Variants in NBN observed in about 807,000 individuals in gnomAD.
NBN encodes Nijmegen breakage syndrome 1 (nibrin).
In NBN, 88 loss-of-function variants were observed where a neutral mutation model predicts 90.8. The observed-to-expected ratio is 0.97, with a 90% CI of 0.82 to 1.16. The LOEUF is 1.16. Ranked by LOEUF, NBN falls within the 50% of genes most tolerant of loss-of-function variation. NBN has a pLI of 0.00. For synonymous variants in NBN, 328 were observed against 295.1 expected (o/e 1.11, Z -1.14); for missense variants, 894 against 869.6 (o/e 1.03, Z -0.35).
intron 9 of NBN, among the ~76,000 whole-genome samples, chr8:89,958,433 C>T (rs1287292093): frequency 6.6e-6 from 1 of 152,216 alleles, no homozygotes; most frequent in Non-Finnish European, 1.5e-5. Flanking sequence ...TAAGAGACTA[C>T]GTATTGTCTC....
In NBN at chr8:89,947,904, A is replaced by T; in HGVS notation, c.1846-12T>A. 6.7e-7 allele frequency: 1 copy of T among 1,487,108 alleles called. No individual in the cohort carries two copies. The highest frequency in any genetic ancestry group is 1.4e-5 in the African/African-American group (1 of 71,674). The allele number at this position is 1,487,108 out of a possible 1,614,324, so 92.1% of individuals were successfully genotyped here. A position where few individuals can be genotyped will look rare whatever the true frequency, so the allele number is the denominator to read the frequency against. On this transcript the variant is annotated splice_polypyrimidine_tract_variant and intron_variant, in intron 11 of 15. Coordinates refer to ENST00000265433, the MANE Select transcript of NBN (RefSeq NM_002485.5). ...ATTTCATTTTCTTGCTAAAGAAATA[A>T]AATAAAAAATACTGTTCATAGGAGT...
At chr8:89,961,295 G>A (rs182767210) in intron 8 of NBN, among the ~76,000 whole-genome samples, 264 of 152,266 alleles carry the variant, frequency 1.7e-3, no homozygotes, top group African/African-American at 3.1e-3. Context: ...GTTCAATTAC[G>A]CAAAATATTT....
chr8:89,960,760 AT>A (rs1406842861), intron 8 of NBN, among the ~76,000 whole-genome samples: 1 of 152,226 alleles, frequency 6.6e-6, no homozygotes, highest in African/African-American at 2.4e-5. Flanking sequence ...ACTTGGTCTC[AT>A]CTATTCACCT....
intron 5 of NBN, among the ~76,000 whole-genome samples, chr8:89,977,527 A>T (rs1283002624): frequency 6.6e-6 from 1 of 152,312 alleles, no homozygotes; most frequent in South Asian, 2.1e-4. Flanking sequence ...TAGTGCTGCA[A>T]TAAACATATG....
At chr8:89,945,969 T>C (rs1209498401) in intron 13 of NBN, among the ~76,000 whole-genome samples, 171 bp downstream of exon 13, 1 of 152,164 alleles carries the variant, frequency 6.6e-6, no homozygotes, top group East Asian at 1.9e-4. Context: ...AGGTGTTCAA[T>C]ATATTCATTA....
chr8:89,974,319 T>C (rs571990272), intron 5 of NBN, among the ~76,000 whole-genome samples: 2 of 145,118 alleles, frequency 1.4e-5, no homozygotes, highest in South Asian at 4.3e-4. Flanking sequence ...AATTTGCAAA[T>C]GTGAGGTTCC....
At chr8:89,940,249 C>G (rs199572579) in intron 14 of NBN, among the ~76,000 whole-genome samples, 1 of 151,944 alleles carries the variant, frequency 6.6e-6, no homozygotes, top group Non-Finnish European at 1.5e-5. Flanking sequence ...TACCATGACC[C>G]GCTAATTTGT....
At chr8:89,959,203 C>T (rs1254167213) in intron 8 of NBN, among the ~76,000 whole-genome samples, 2 of 152,128 alleles carry the variant, frequency 1.3e-5, no homozygotes, top group African/African-American at 4.8e-5. Flanking sequence ...AGTGTATACA[C>T]CCTACCATCT....
Position 89,984,177 on chromosome 8 carries a change from G to C in NBN, c.37+348C>G, listed in dbSNP as rs1197508195. 1.2e-4 allele frequency: 52 copies of C among 434,410 alleles called. No individual in the cohort carries two copies. The East Asian group carries it at 1.4e-3, about 11-fold the overall frequency. The allele number at this position is 434,410 out of a possible 1,614,324, so 26.9% of individuals were successfully genotyped here. ...TCCGCCCATGCTAACTTCCTGCCGG[G>C]GGTTCCCACTAGGCGCCTGCTGCCG... On this transcript the variant is annotated intron_variant, in intron 1 of 15. Coordinates refer to ENST00000265433, the MANE Select transcript of NBN (RefSeq NM_002485.5).
intron 4 of NBN, among the ~76,000 whole-genome samples, chr8:89,980,013 T>C (rs551632792): frequency 4.7e-4 from 72 of 152,328 alleles, no homozygotes; most frequent in African/African-American, 1.6e-3. Context: ...GTAAATCTAC[T>C]ATTTGTAAGT....
Position 89,964,520 on chromosome 8 carries a change from A to T in NBN, c.897-13T>A. 6.3e-7 allele frequency: 1 copy of T among 1,577,592 alleles called. No homozygotes were observed. Among genetic ancestry groups the T allele is most frequent in the Non-Finnish European group, 8.7e-7 (1 of 1,147,220 alleles). ...TCTAAGACCTTGCCTATTAGAATAA[A>T]ATAGTTTAAGTATGATAATATATTA... On this transcript the variant is annotated splice_polypyrimidine_tract_variant and intron_variant, in intron 7 of 15. Transcript: ENST00000265433.
intron 5 of NBN, among the ~76,000 whole-genome samples, chr8:89,977,343 A>C (rs1227705253): frequency 6.6e-6 from 1 of 151,476 alleles, no homozygotes; most frequent in Non-Finnish European, 1.5e-5. Flanking sequence ...TTCCTGTGTT[A>C]GTTTGCTGAG....
chr8:89,933,465 T>C lies in NBN; in HGVS notation c.*2117A>G, dbSNP rs1028935107. 19 of 229,458 alleles carry C rather than the reference T, an allele frequency of 8.3e-5. No homozygotes were observed. The highest frequency in any genetic ancestry group is 1.1e-4 in the Admixed American group (2 of 17,644). 14.2% of individuals were successfully genotyped at this position (229,458 alleles called of 1,614,324 possible). On this transcript the variant is annotated 3_prime_UTR_variant, in exon 16 of 16. Transcript: ENST00000265433. ...CATTTCAGTGTAACCAAACAGAAAG[T>C]CCAGAAACAGATCCACCATTATGGT...
rs566663135 is a variant in NBN, at chr8:89,981,826, C to T, written c.172-303G>A. The T allele has an allele frequency of 1.4e-4, 78 of 556,756 alleles. No individual in the cohort carries two copies. In the African/African-American group the frequency reaches 1.4e-3, roughly 10 times the overall value. 34.5% of individuals were successfully genotyped at this position (556,756 alleles called of 1,614,324 possible). A position where few individuals can be genotyped will look rare whatever the true frequency, so the allele number is the denominator to read the frequency against. On this transcript the variant is annotated intron_variant, in intron 2 of 15. Coordinates refer to ENST00000265433, the MANE Select transcript of NBN (RefSeq NM_002485.5). The stretch of plus-strand genomic sequence containing the variant: ...TGAGAATTTTTTGCTTTGGTGCAGT[C>T]TGTTTCATTTAAAACATGACAATTT...
chr8:89,971,588 A>C (rs991478423), intron 5 of NBN, among the ~76,000 whole-genome samples: 4 of 152,218 alleles, frequency 2.6e-5, no homozygotes, highest in African/African-American at 9.6e-5. Context: ...GACTCAAACA[A>C]GGTGTCTGAA....
At chr8:89,947,486 G>A (rs569369401) in intron 12 of NBN, among the ~76,000 whole-genome samples, 8 of 152,002 alleles carry the variant, frequency 5.3e-5, no homozygotes, top group East Asian at 1.9e-4. Flanking sequence ...AAAATTAGTC[G>A]GGCGTGGTGG....
chr8:89,969,726 T>C (rs1811417483), intron 7 of NBN, among the ~76,000 whole-genome samples: 1 of 149,128 alleles, frequency 6.7e-6, no homozygotes, highest in African/African-American at 2.5e-5. Context: ...CCGAGGTGGG[T>C]GGATCATCTC....
chr8:89,953,312 G>T lies in NBN; in HGVS notation c.1777C>A (p.Pro593Thr), dbSNP rs146989944. The part of the protein sequence containing the change: ...QEEDVNVRKR[P>T]RMDIETNDTF... ...TCATTTGTTTCTATATCCATCCTTGGCCTTTTTCTAACATTGACATCTTCC... is the reference window on the plus strand; with the variant it reads ...TCATTTGTTTCTATATCCATCCTTGTCCTTTTTCTAACATTGACATCTTCC... The change falls in exon 11 of 16, where the codon CCA becomes ACA. Residue 593 changes from proline (P) to threonine (T), a missense_variant. By Grantham distance (38) the Pro-to-Thr change is conservative. Transcript: ENST00000265433. 6.2e-7 allele frequency: 1 copy of T among 1,613,202 alleles called. No individual in the cohort carries two copies. Among genetic ancestry groups the T allele is most frequent in the South Asian group, 1.1e-5 (1 of 91,068 alleles).
chr8:89,970,421 G>A lies in NBN; in HGVS notation c.839C>T (p.Thr280Ile), dbSNP rs2129828243. The A allele has an allele frequency of 6.2e-7, 1 of 1,613,922 alleles. No individual in the cohort carries two copies. Among genetic ancestry groups the A allele is most frequent in the East Asian group, 2.2e-5 (1 of 44,864 alleles). Residue 280 changes from threonine to isoleucine, a missense_variant, in exon 7 of 16, where the codon ACC (threonine) becomes ATC (isoleucine). Transcript: ENST00000265433. ...VVDTGITNSQ[T>I]LIPDCQKKWI... ...TTTCTTCTGACAGTCAGGAATTAAG[G>A]TCTGTGAGTTTGTTATTCCTGTATC...
Sources: gnomAD v4.1 joint callset for allele counts (sites outside exome capture counted in the v4.1 genomes callset) on GRCh38, gnomAD v4.1.1 for gene constraint, MANE v1.5 for transcripts, NCBI Gene and HGNC (gene_info 2026-07-23, HGNC 2026-07-21) for gene names.